The following ERG variants were observed in gnomAD, a reference collection of about 807,000 sequenced individuals.
ERG encodes the protein transcriptional regulator ERG.
A neutral mutation model predicts 55.3 loss-of-function variants in ERG; 9 were observed. The observed-to-expected ratio is 0.16, with a 90% CI of 0.10 to 0.28. The LOEUF (loss-of-function observed/expected upper bound fraction) is 0.28. ERG is among the 10% of genes least tolerant of loss of function. The probability of loss-of-function intolerance (pLI) is 1.00; values close to 1 mark genes in which losing one functional copy is unlikely to be tolerated. For synonymous variants in ERG, 223 were observed against 237.3 expected, an observed-to-expected ratio of 0.94 and a Z score of 0.55; for missense variants, 434 against 631.6, an observed-to-expected ratio of 0.69 and a Z score of 3.35.
intron 2 of ERG, among the ~76,000 whole-genome samples, chr21:38,544,007 T>C (rs2059772042): frequency 6.6e-6 from 1 of 152,202 alleles, no homozygotes; most frequent in South Asian, 2.1e-4. Context: ...CCGAAAGTGC[T>C]GGGACTACAG....
chr21:38,604,869 C>A lies in ERG; in HGVS notation c.-149-19924G>T, dbSNP rs114193293. Among the ~76,000 whole-genome samples, 321 of 152,376 alleles carry A rather than the reference C, an allele frequency of 2.1e-3. 2 individuals carry two copies. Among genetic ancestry groups the A allele is most frequent in the African/African-American group, 7.3e-3 (304 of 41,590 alleles). On this transcript the variant is annotated intron_variant, in intron 1 of 10. Transcript: ENST00000398910. ...CTCACTCATGCTGCTGCAAGATCTA[C>A]AAGCCATTTGCTCTTGTTGGGAGTG...
chr21:38,555,312 G>C (rs1209041084), intron 2 of ERG, among the ~76,000 whole-genome samples: 2 of 143,504 alleles, frequency 1.4e-5, no homozygotes, highest in South Asian at 2.3e-4. Flanking sequence ...GGCTGACAGA[G>C]GGAGACTCTG....
the ERG span, among the ~76,000 whole-genome samples, chr21:38,373,219 T>C: frequency 6.6e-6 from 1 of 152,216 alleles, no homozygotes; most frequent in Admixed American, 6.5e-5. Flanking sequence ...TCCCCATTGC[T>C]TGTGAATCCT....
chr21:38,367,743 T>A, the ERG span: 360,658 of 446,668 alleles, frequency 0.81, 146,308 homozygotes, highest in Non-Finnish European at 0.83. Flanking sequence ...CTGCACAGAC[T>A]TTCATCAACA....
intron 2 of ERG, among the ~76,000 whole-genome samples, chr21:38,518,274 AT>A (rs2059567952): frequency 6.6e-6 from 1 of 151,786 alleles, no homozygotes; most frequent in African/African-American, 2.4e-5. Context: ...CTATCTATCT[AT>A]CTATCTATCT....
intron 2 of ERG, among the ~76,000 whole-genome samples, chr21:38,513,658 A>G (rs1266875346): frequency 6.6e-6 from 1 of 152,224 alleles, no homozygotes; most frequent in East Asian, 1.9e-4. Context: ...CAAATAAAAC[A>G]GAAGAGTAAA....
At chr21:38,394,998 C>T (rs1988140614) in intron 6 of ERG, among the ~76,000 whole-genome samples, 1 of 152,184 alleles carries the variant, frequency 6.6e-6, no homozygotes, top group African/African-American at 2.4e-5. Flanking sequence ...TCACAAAATC[C>T]TTCATATGGT....
chr21:38,469,696 GCT>G (rs1385673252), intron 1 of ERG, among the ~76,000 whole-genome samples: 1 of 152,110 alleles, frequency 6.6e-6, no homozygotes, highest in Non-Finnish European at 1.5e-5. Flanking sequence ...CTTCTAGGCA[GCT>G]CTTAAACAAG....
intron 1 of ERG, among the ~76,000 whole-genome samples, chr21:38,603,489 C>A (rs989523417): frequency 6.6e-6 from 1 of 151,916 alleles, no homozygotes; most frequent in South Asian, 2.1e-4. Flanking sequence ...CGTGGTGGTG[C>A]GCACCCTGTA....
chr21:38,377,966 C>T (rs181643004), downstream of ERG, among the ~76,000 whole-genome samples: 123 of 152,336 alleles, frequency 8.1e-4, no homozygotes, highest in Middle Eastern at 0.01. Flanking sequence ...TTGGCTGCTT[C>T]TCACCATTCA....
chr21:38,565,578 C>A lies in ERG; in HGVS notation c.-41+10084G>T, dbSNP rs541898871. Among the ~76,000 whole-genome samples the A allele has an allele frequency of 4.6e-5, 7 of 152,314 alleles. No homozygotes were observed. The South Asian group carries it at 1.5e-3, about 32-fold the overall frequency. ...TGCCAGGAGAGCTCCTGCCAAAGGG[C>A]CTTTGCACATGCTGTTCCCTCTCTC... On this transcript the variant is annotated intron_variant, in intron 2 of 8. Transcript: ENST00000398897.
At chr21:38,608,440 C>T (rs966115311) in intron 1 of ERG, among the ~76,000 whole-genome samples, 1 of 152,224 alleles carries the variant, frequency 6.6e-6, no homozygotes, top group Middle Eastern at 3.4e-3. Context: ...GCTGTGGGCA[C>T]CAAACAACAC....
At chr21:38,418,927 C>CAA (rs35001409) in intron 3 of ERG, among the ~76,000 whole-genome samples, 44 of 80,756 alleles carry the variant, frequency 5.4e-4, no homozygotes, top group Non-Finnish European at 6.3e-4. Flanking sequence ...GACTTTGTCT[C>CAA]AAAAAAAAAA....
chr21:38,582,404 T>C (rs1289889928), intron 1 of ERG, among the ~76,000 whole-genome samples: 1 of 152,212 alleles, frequency 6.6e-6, no homozygotes, highest in Non-Finnish European at 1.5e-5. Flanking sequence ...GGTATCAGTG[T>C]TGAATGACTG....
At chr21:38,540,950 G>A (rs2059747488) in intron 2 of ERG, among the ~76,000 whole-genome samples, 1 of 152,170 alleles carries the variant, frequency 6.6e-6, no homozygotes, top group South Asian at 2.1e-4. Context: ...TTGGCTCTGG[G>A]TGGAGCTCCT....
intron 1 of ERG, among the ~76,000 whole-genome samples, chr21:38,479,710 T>G (rs1013748425): frequency 6.6e-6 from 1 of 152,132 alleles, no homozygotes; most frequent in Non-Finnish European, 1.5e-5. Flanking sequence ...TGGAACACTT[T>G]CTGTTCCATC....
At chr21:38,417,401 T>C (rs1989327529) in intron 3 of ERG, among the ~76,000 whole-genome samples, 1 of 152,240 alleles carries the variant, frequency 6.6e-6, no homozygotes. Flanking sequence ...TTACTGATTA[T>C]TGCAAGGGTC....
Position 38,460,293 on chromosome 21 carries a change from G to C in ERG, c.19-14672C>G, listed in dbSNP as rs998730411. ...GGTAGAGCCTTGCAGGCCATGGCAG[G>C]AACCTGGGTGTTGACTCAGAGAGAA... is the stretch of plus-strand genomic sequence containing the variant. On this transcript the variant is annotated intron_variant, in intron 1 of 9. Transcript: ENST00000288319. The surrounding 1 kb of genome is among the most constrained non-coding windows in gnomAD (Gnocchi z 5.0). 3.3e-5 allele frequency among the ~76,000 whole-genome samples: 5 copies of C among 152,190 alleles called. No individual in the cohort carries two copies. Among genetic ancestry groups the C allele is most frequent in the Non-Finnish European group, 7.3e-5 (5 of 68,038 alleles).
the ERG span, among the ~76,000 whole-genome samples, chr21:38,372,892 G>T: frequency 2.6e-5 from 4 of 151,632 alleles, no homozygotes; most frequent in African/African-American, 9.7e-5. Context: ...TGAATGTAGT[G>T]CAAGAAATTA....
Sources: allele counts gnomAD v4.1 joint callset (sites outside exome capture counted in the v4.1 genomes callset), GRCh38; gene constraint gnomAD v4.1.1; non-coding constraint Gnocchi (gnomAD v3.1); transcripts MANE v1.5; gene names NCBI Gene and HGNC (gene_info 2026-07-23, HGNC 2026-07-21).